The following ITFG1 variants were observed in gnomAD, a reference collection of about 807,000 sequenced individuals.
The protein encoded by ITFG1 is integrin alpha FG-GAP repeat containing 1.
ITFG1 carries 34 observed loss-of-function variants against 81.8 expected under a neutral mutation model. The observed-to-expected ratio is 0.42, with a 90% CI of 0.32 to 0.55. The LOEUF is 0.55. Among genes scored for constraint, ITFG1 ranks in the 20% least tolerant of loss-of-function variants. The pLI, the probability that ITFG1 is intolerant of heterozygous loss-of-function variation, is 0.17. For synonymous variants in ITFG1, 285 were observed against 270.6 expected (o/e 1.05, Z -0.52); for missense variants, 672 against 755.4 (o/e 0.89, Z 1.29).
intron 2 of ITFG1, among the ~76,000 whole-genome samples, chr16:47,458,428 C>G (rs1969480350): frequency 6.6e-6 from 1 of 152,172 alleles, no homozygotes; most frequent in Non-Finnish European, 1.5e-5. Flanking sequence ...TTCCATGACT[C>G]TGGAAGCTGC....
intron 14 of ITFG1, among the ~76,000 whole-genome samples, chr16:47,168,754 T>G (rs950648183): frequency 2.0e-5 from 3 of 152,096 alleles, no homozygotes; most frequent in African/African-American, 7.2e-5. Flanking sequence ...TAAATTTTGT[T>G]ACTAGTGCTT....
At chr16:47,155,853 T>A in intron 17 of ITFG1, 75 bp from the exon 18 acceptor site, 1 of 1,055,388 alleles carries the variant, frequency 9.5e-7, no homozygotes, top group Non-Finnish European at 1.4e-6. Flanking sequence ...AAATACACAG[T>A]GATTCATTTT....
At chr16:47,293,101 CAT>C (rs911909796) in intron 10 of ITFG1, among the ~76,000 whole-genome samples, 63 of 143,458 alleles carry the variant, frequency 4.4e-4, no homozygotes, top group African/African-American at 6.8e-4. Flanking sequence ...TATGTATATA[CAT>C]ATGATATATA....
chr16:47,168,118 T>A (rs1347201776), intron 14 of ITFG1, among the ~76,000 whole-genome samples: 1 of 152,218 alleles, frequency 6.6e-6, no homozygotes, highest in African/African-American at 2.4e-5. Context: ...ATTAAAACCA[T>A]CTTAGTGGTT....
In ITFG1 at chr16:47,161,831, G is replaced by C. The variant is rs1964810412; in HGVS notation, c.1580C>G (p.Ser527Cys). Residue 527 changes from serine (S) to cysteine (C), a missense_variant and splice_region_variant, in exon 16 of 18, where the codon TCT (serine) becomes TGT (cysteine). Coordinates refer to ENST00000320640, the MANE Select transcript of ITFG1 (RefSeq NM_030790.5). ...VGIPRPSGEK[S>C]IRKQEWTAII... is the part of the protein sequence containing the mutation. The stretch of plus-strand genomic sequence containing the variant: ...TGCAGTCCACTCTTGTTTTCGTATA[G>C]ACTGGAAGAAGAATTTAAGAACATT... 1.9e-6 allele frequency: 3 copies of C among 1,571,308 alleles called. No individual in the cohort carries two copies. The highest frequency in any genetic ancestry group is 2.2e-5 in the East Asian group (1 of 44,584).
intron 12 of ITFG1, among the ~76,000 whole-genome samples, chr16:47,252,671 CAGA>C (rs1290519888): frequency 6.6e-6 from 1 of 152,176 alleles, no homozygotes; most frequent in African/African-American, 2.4e-5. Context: ...GTAAGAGAAG[CAGA>C]AGGGCAGTTT....
intron 14 of ITFG1, among the ~76,000 whole-genome samples, chr16:47,185,611 A>C (rs1275171516): frequency 6.6e-6 from 1 of 152,236 alleles, no homozygotes; most frequent in Non-Finnish European, 1.5e-5. Flanking sequence ...CATTCAAAGC[A>C]GTGTGTAGAG....
chr16:47,412,346 T>G (rs1968821698), intron 6 of ITFG1, among the ~76,000 whole-genome samples: 1 of 152,008 alleles, frequency 6.6e-6, no homozygotes, highest in African/African-American at 2.4e-5. Flanking sequence ...AAACCCAATC[T>G]AAGGAATCCA....
At chr16:47,179,913 A>C (rs1053200354) in intron 14 of ITFG1, among the ~76,000 whole-genome samples, 5 of 152,194 alleles carry the variant, frequency 3.3e-5, no homozygotes, top group Admixed American at 2.0e-4. Context: ...TTGAGTTATG[A>C]TTGTGAATAA....
At chr16:47,299,674 G>C (rs1167943915) in intron 10 of ITFG1, 1 of 152,306 alleles carries the variant, frequency 6.6e-6, no homozygotes, top group African/African-American at 2.4e-5. Flanking sequence ...GTGGTAGTGA[G>C]ACCTGCCTTG....
rs548375802 is a variant in ITFG1, at chr16:47,274,577, C to G, written c.1071-13882G>C. On this transcript the variant is annotated intron_variant, in intron 10 of 17. Coordinates refer to ENST00000320640, the MANE Select transcript of ITFG1 (RefSeq NM_030790.5). ...AGGTTACTGTTGGCCTTAGGTGACC[C>G]CAAGTGACCCAATTGAAGATTTAAG... Among the ~76,000 whole-genome samples the G allele has an allele frequency of 1.6e-4, 24 of 152,112 alleles. No individual in the cohort carries two copies. In the South Asian group the frequency reaches 2.1e-3, roughly 13 times the overall value.
chr16:47,437,595 G>C (rs1344124204), intron 5 of ITFG1, among the ~76,000 whole-genome samples: 1 of 152,194 alleles, frequency 6.6e-6, no homozygotes, highest in Non-Finnish European at 1.5e-5. Flanking sequence ...AACTGGGTAT[G>C]AGCTGGTAAC....
chr16:47,313,651 G>A (rs547863847), intron 9 of ITFG1, 78 bp downstream of exon 9: 1 of 665,572 alleles, frequency 1.5e-6, no homozygotes, highest in Non-Finnish European at 2.5e-6. Context: ...TGATTCTACA[G>A]GTATCTTTTC....
chr16:47,435,953 G>T (rs1174787782), intron 5 of ITFG1, among the ~76,000 whole-genome samples: 1 of 151,750 alleles, frequency 6.6e-6, no homozygotes, highest in African/African-American at 2.4e-5. Flanking sequence ...TGCATACAGT[G>T]GAATATAAAT....
At chr16:47,288,552 T>C (rs953993841) in intron 10 of ITFG1, among the ~76,000 whole-genome samples, 1 of 152,194 alleles carries the variant, frequency 6.6e-6, no homozygotes, top group Non-Finnish European at 1.5e-5. Flanking sequence ...TAATTTACTT[T>C]CCCACCATCA....
chr16:47,232,033 T>A (rs1965821440), intron 13 of ITFG1, among the ~76,000 whole-genome samples: 1 of 152,168 alleles, frequency 6.6e-6, no homozygotes, highest in Non-Finnish European at 1.5e-5. Flanking sequence ...GAAAGGGCCA[T>A]GAGCCAAGGA....
At chr16:47,447,639 T>C (rs1235180288) in intron 5 of ITFG1, among the ~76,000 whole-genome samples, 1 of 152,122 alleles carries the variant, frequency 6.6e-6, no homozygotes, top group Non-Finnish European at 1.5e-5. Context: ...CAAGCAAAAA[T>C]CTGAGGTAAT....
Position 47,428,694 on chromosome 16 carries a change from C to T in ITFG1, c.655+110G>A, listed in dbSNP as rs1969054686. On this transcript the variant is annotated intron_variant, in intron 6 of 17. Transcript: ENST00000320640. ...CACTGACTTTCTAACATCCTTTAAA[C>T]ATTAATTTCAACATTTACTTCATTA... 5.4e-6 allele frequency: 4 copies of T among 734,910 alleles called. No individual in the cohort carries two copies. In the African/African-American group the frequency reaches 7.1e-5, roughly 13 times the overall value. 45.5% of individuals were successfully genotyped at this position (734,910 alleles called of 1,614,324 possible). A position where few individuals can be genotyped will look rare whatever the true frequency, so the allele number is the denominator to read the frequency against.
intron 14 of ITFG1, among the ~76,000 whole-genome samples, chr16:47,210,091 G>A (rs1324795783): frequency 2.0e-5 from 3 of 152,192 alleles, no homozygotes; most frequent in African/African-American, 7.2e-5. Context: ...GGGTCATACA[G>A]TAGTTGCATG....
Sources: allele counts gnomAD v4.1 joint callset (sites outside exome capture counted in the v4.1 genomes callset), GRCh38; gene constraint gnomAD v4.1.1; transcripts MANE v1.5; gene names NCBI Gene and HGNC (gene_info 2026-07-23, HGNC 2026-07-21).